EGFR: variants seen among roughly 807,000 people sequenced by gnomAD.
The protein encoded by EGFR is avian erythroblastic leukemia viral (v-erb-b) oncogene homolog.
In EGFR, 58 loss-of-function variants were observed where a neutral mutation model predicts 143.0. That is an observed-to-expected ratio of 0.41 (90% CI 0.33 to 0.50). EGFR has a LOEUF of 0.50. EGFR is among the 20% of genes least tolerant of loss of function. The probability of loss-of-function intolerance (pLI) is 0.39; values close to 1 mark genes in which losing one functional copy is unlikely to be tolerated. For synonymous variants in EGFR, 613 were observed against 594.4 expected, an observed-to-expected ratio of 1.03 and a Z score of -0.45; for missense variants, 1,307 against 1,579.0, an observed-to-expected ratio of 0.83 and a Z score of 2.92.
intron 1 of EGFR, among the ~76,000 whole-genome samples, chr7:55,077,746 C>T (rs538796878): frequency 1.3e-4 from 20 of 152,078 alleles, no homozygotes; most frequent in Admixed American, 3.9e-4. Context: ...TATGGGGCTG[C>T]AGAAACTCTT....
At chr7:55,107,408 CT>C (rs1041466477) in intron 1 of EGFR, among the ~76,000 whole-genome samples, 2 of 152,030 alleles carry the variant, frequency 1.3e-5, no homozygotes, top group African/African-American at 4.8e-5. Flanking sequence ...TTCCATTTTT[CT>C]TTTTTTGTTT....
Position 55,173,189 on chromosome 7 carries a change from G to C in EGFR, c.2061+65G>C, listed in dbSNP as rs17290301. On this transcript the variant is annotated intron_variant, in intron 17 of 27. Transcript: ENST00000275493. ...CCCGACAGGAACAAGGGCCAGCCCC[G>C]AGAACGGGCCATTAGCAGTTGTGTA... 3 of 1,592,948 alleles carry C rather than the reference G, an allele frequency of 1.9e-6. No homozygotes were observed. The South Asian group carries it at 3.3e-5, about 18-fold the overall frequency.
chr7:55,026,727 C>T (rs1159530486), intron 1 of EGFR, among the ~76,000 whole-genome samples: 6 of 152,190 alleles, frequency 3.9e-5, no homozygotes, highest in Admixed American at 3.9e-4. Flanking sequence ...CTCCCTCAAA[C>T]AGGAACATTC....
intron 1 of EGFR, among the ~76,000 whole-genome samples, chr7:55,104,958 G>A (rs988397676): frequency 4.6e-5 from 7 of 152,182 alleles, no homozygotes; most frequent in Admixed American, 6.5e-5. Flanking sequence ...AACTGAAGGG[G>A]GAAATCTGGA....
rs747423535 is a variant in EGFR, at chr7:55,165,363, A to G, written c.1806A>G (p.Glu602=). ...CCTGCCCGGCAGGAGTCATGGGAGA[A>G]AACAACACCCTGGTCTGGAAGTACG... ...VKTCPAGVMG[E]NNTLVWKYAD... The change falls in exon 15 of 28, where the codon GAA becomes GAG. Residue 602 remains glutamate (E), a synonymous_variant. Transcript: ENST00000275493. 6.2e-7 allele frequency: 1 copy of G among 1,614,188 alleles called. No homozygotes were observed. The highest frequency in any genetic ancestry group is 1.7e-5 in the Admixed American group (1 of 60,028).
chr7:55,191,560 G>A (rs1787394515), intron 20 of EGFR, among the ~76,000 whole-genome samples, 159 bp from the exon 21 acceptor site: 1 of 152,134 alleles, frequency 6.6e-6, no homozygotes, highest in Non-Finnish European at 1.5e-5. Context: ...TCTTTCATGC[G>A]CCTTTCCATT....
At chr7:55,073,444 A>G (rs1409345346) in intron 1 of EGFR, among the ~76,000 whole-genome samples, 1 of 152,230 alleles carries the variant, frequency 6.6e-6, no homozygotes, top group Non-Finnish European at 1.5e-5. Context: ...AGGTGCAGTG[A>G]TCAATGCTTT....
chr7:55,156,669 A>C lies in EGFR; in HGVS notation c.1133+10A>C, dbSNP rs778011521. 1 of 1,614,250 alleles carries C rather than the reference A, an allele frequency of 6.2e-7. No individual in the cohort carries two copies. Among genetic ancestry groups the C allele is most frequent in the Non-Finnish European group, 8.5e-7 (1 of 1,180,048 alleles). ...CGGTGGCATTTAGGGGGTGAGTCAC[A>C]GGTTCAGTTGCTTGTATAAAGAAAA... is the stretch of plus-strand genomic sequence containing the variant. On this transcript the variant is annotated intron_variant, in intron 9 of 27. Transcript: ENST00000275493.
intron 1 of EGFR, among the ~76,000 whole-genome samples, chr7:55,114,695 A>T (rs1792722935): frequency 6.6e-6 from 1 of 152,066 alleles, no homozygotes; most frequent in Non-Finnish European, 1.5e-5. Flanking sequence ...TGGGGAATCC[A>T]TTCTTTCCTA....
intron 20 of EGFR, among the ~76,000 whole-genome samples, chr7:55,186,557 A>AT (rs1365935276): frequency 3.3e-5 from 5 of 152,016 alleles, no homozygotes; most frequent in African/African-American, 7.3e-5. Context: ...TATGTGAGTT[A>AT]TTTTTTTTAT....
At chr7:55,200,631 G>C (rs142580446) in intron 24 of EGFR, 1 of 620,294 alleles carries the variant, frequency 1.6e-6, no homozygotes, top group African/African-American at 1.8e-5. Context: ...CCCCCTCCCC[G>C]TCTGAACTCT....
chr7:55,172,910 G>A (rs780929145), intron 16 of EGFR, 73 bp from the exon 17 acceptor site: 7 of 1,613,280 alleles, frequency 4.3e-6, no homozygotes, highest in East Asian at 2.2e-5. Context: ...AAACATGCAG[G>A]GGCGTGTTGA....
rs2128942948 is a variant in EGFR, at chr7:55,161,587, C to A, written c.1587C>A (p.Val529=). The A allele has an allele frequency of 6.2e-7, 1 of 1,614,280 alleles. No homozygotes were observed. The highest frequency in any genetic ancestry group is 1.6e-4 in the Middle Eastern group (1 of 6,062). ...EPRDCVSCRN[V]SRGRECVDKC... ...GGGACTGCGTCTCTTGCCGGAATGT[C>A]AGCCGAGGCAGGGAATGCGTGGACA... The change falls in exon 13 of 28, where the codon GTC becomes GTA. Residue 529 remains valine (V), a synonymous_variant. Coordinates refer to ENST00000275493, the MANE Select transcript of EGFR (RefSeq NM_005228.5).
At chr7:55,118,995 A>G (rs1793042831) in intron 1 of EGFR, 1 of 152,218 alleles carries the variant, frequency 6.6e-6, no homozygotes, top group South Asian at 2.1e-4. Flanking sequence ...AGAAAAGAAT[A>G]GAAGTGAACA....
intron 10 of EGFR, 161 bp downstream of exon 10, chr7:55,156,993 G>A: frequency 1.3e-6 from 2 of 1,487,310 alleles, no homozygotes; most frequent in Non-Finnish European, 1.8e-6. Context: ...AGTTTCTCCT[G>A]CAGGCAAAAG....
chr7:55,182,677 T>A (rs574494770), intron 20 of EGFR, among the ~76,000 whole-genome samples: 119 of 152,186 alleles, frequency 7.8e-4, no homozygotes, highest in African/African-American at 2.8e-3. Context: ...CCCCTTTTAC[T>A]CCAGCATCAT....
chr7:55,029,919 A>G (rs928522304), intron 1 of EGFR, among the ~76,000 whole-genome samples: 1 of 152,214 alleles, frequency 6.6e-6, no homozygotes, highest in Non-Finnish European at 1.5e-5. Context: ...CTGTCCCTAT[A>G]ATTTAGATGC....
In EGFR at chr7:55,066,540, C is replaced by T. The variant is rs192180104; in HGVS notation, c.88+47175C>T. Reference sequence around the variant, plus strand: ...CAAATCAGTTTCTAACTCACTGTAACGAATTATCTTTCGCACATCACAGAG... The same window carrying T: ...CAAATCAGTTTCTAACTCACTGTAATGAATTATCTTTCGCACATCACAGAG... On this transcript the variant is annotated intron_variant, in intron 1 of 27. Transcript: ENST00000275493. Among the ~76,000 whole-genome samples, 10 of 152,330 alleles carry T rather than the reference C, an allele frequency of 6.6e-5. No homozygotes were observed. In the South Asian group the frequency reaches 8.3e-4, roughly 13 times the overall value.
At chr7:55,131,789 C>G (rs1008873460) in intron 1 of EGFR, among the ~76,000 whole-genome samples, 1 of 152,182 alleles carries the variant, frequency 6.6e-6, no homozygotes, top group African/African-American at 2.4e-5. Context: ...CTGCTGACCC[C>G]TTGCGCTGTC....
Sources: gnomAD v4.1 joint callset for allele counts (sites outside exome capture counted in the v4.1 genomes callset) on GRCh38, gnomAD v4.1.1 for gene constraint, MANE v1.5 for transcripts, NCBI Gene and HGNC (gene_info 2026-07-23, HGNC 2026-07-21) for gene names.